SLC30A9: variants seen among roughly 807,000 people sequenced by gnomAD.
The protein encoded by SLC30A9 is proton-coupled zinc antiporter SLC30A9, mitochondrial.
In SLC30A9, 58 loss-of-function variants were observed where a neutral mutation model predicts 87.5. The observed-to-expected ratio is 0.66, with a 90% CI of 0.54 to 0.82. SLC30A9 has a LOEUF of 0.82. Ranked by LOEUF, SLC30A9 falls within the 40% of genes least tolerant of loss-of-function variation. The pLI is 0.00. For missense variants in SLC30A9, 557 were observed against 679.1 expected, an observed-to-expected ratio of 0.82 and a Z score of 2.00; for synonymous variants, 234 against 233.0, an observed-to-expected ratio of 1.00 and a Z score of -0.04.
Position 42,035,315 on chromosome 4 carries a change from T to A in SLC30A9, c.651T>A (p.Asp217Glu). Residue 217 changes from aspartate (D) to glutamate (E), a missense_variant, in exon 7 of 18, where the codon GAT becomes GAA. Physicochemically the swap from Asp to Glu is conservative, Grantham distance 45. Coordinates refer to ENST00000264451, the MANE Select transcript of SLC30A9 (RefSeq NM_006345.4). ...RNQKILREYRDFLGNTKPRSR... is the reference protein window; with the variant it reads ...RNQKILREYREFLGNTKPRSR... ...AAAAAATATTAAGAGAATACAGAGATTTCTTGGGAAATACCAAGGTATGGA... is the reference window on the plus strand; with the variant it reads ...AAAAAATATTAAGAGAATACAGAGAATTCTTGGGAAATACCAAGGTATGGA... 6.2e-7 allele frequency: 1 copy of A among 1,602,600 alleles called. No homozygotes were observed. The highest frequency in any genetic ancestry group is 8.5e-7 in the Non-Finnish European group (1 of 1,172,058).
Position 42,090,158 on chromosome 4 carries a change from T to G in SLC30A9, c.*4032T>G, listed in dbSNP as rs1719046627. On this transcript the variant is annotated 3_prime_UTR_variant, in exon 18 of 18. Coordinates refer to ENST00000264451, the MANE Select transcript of SLC30A9 (RefSeq NM_006345.4). Reference sequence around the variant, plus strand: ...TGTGATGAACCCCAATTTGCCAAACTGTCAGAAGTCAGTGAAGCAAAGAAT... The same window carrying G: ...TGTGATGAACCCCAATTTGCCAAACGGTCAGAAGTCAGTGAAGCAAAGAAT... The G allele has an allele frequency of 6.6e-6, 1 of 152,202 alleles. No homozygotes were observed. The highest frequency in any genetic ancestry group is 1.9e-4 in the East Asian group (1 of 5,204). The allele number at this position is 152,202 out of a possible 1,614,324, so 9.4% of individuals were successfully genotyped here. A position where few individuals can be genotyped will look rare whatever the true frequency, so the allele number is the denominator to read the frequency against.
intron 8 of SLC30A9, 83 bp from the exon 9 acceptor site, chr4:42,049,294 A>C: frequency 4.1e-6 from 3 of 724,990 alleles, no homozygotes; most frequent in Non-Finnish European, 4.8e-6. Flanking sequence ...AATCTAGTGT[A>C]GAGATATACA....
intron 11 of SLC30A9, among the ~76,000 whole-genome samples, chr4:42,064,665 ATTAG>A: frequency 6.6e-6 from 1 of 152,240 alleles, no homozygotes; most frequent in Admixed American, 6.5e-5. Context: ...AGATTAGGTA[ATTAG>A]TTAAATTTTC....
At chr4:42,030,766 A>G (rs1347248718) in intron 6 of SLC30A9, among the ~76,000 whole-genome samples, 2 of 152,148 alleles carry the variant, frequency 1.3e-5, no homozygotes, top group Non-Finnish European at 2.9e-5. Context: ...CTACAGAAAA[A>G]CACAAAAAGG....
chr4:42,003,739 G>GT (rs1715078025), intron 2 of SLC30A9, among the ~76,000 whole-genome samples: 3 of 146,500 alleles, frequency 2.0e-5, no homozygotes, highest in Non-Finnish European at 4.5e-5. Flanking sequence ...TCCTTGTCCT[G>GT]TTTTCTTAAA....
chr4:42,078,018 G>A (rs1718622585), intron 16 of SLC30A9, among the ~76,000 whole-genome samples, 194 bp from the exon 17 acceptor site: 1 of 151,826 alleles, frequency 6.6e-6, no homozygotes, highest in South Asian at 2.1e-4. Flanking sequence ...TGCTACCTCT[G>A]TGTAGTATTA....
intron 17 of SLC30A9, among the ~76,000 whole-genome samples, chr4:42,083,904 G>C (rs975230434): frequency 6.6e-6 from 1 of 152,108 alleles, no homozygotes; most frequent in Non-Finnish European, 1.5e-5. Flanking sequence ...GGATCTAAGA[G>C]GAAAGTACCC....
At chr4:42,067,386 C>T (rs1297407727) in intron 14 of SLC30A9, among the ~76,000 whole-genome samples, 194 bp downstream of exon 14, 1 of 152,114 alleles carries the variant, frequency 6.6e-6, no homozygotes, top group Non-Finnish European at 1.5e-5. Flanking sequence ...AAAAATGTCT[C>T]TAAATTAGAA....
chr4:42,032,156 A>G (rs1206754338), intron 6 of SLC30A9, among the ~76,000 whole-genome samples: 4 of 152,166 alleles, frequency 2.6e-5, no homozygotes, highest in African/African-American at 9.7e-5. Context: ...TGAGGACAGT[A>G]CCAAGAGGGA....
At chr4:42,085,994 T>A in intron 17 of SLC30A9, 88 bp from the exon 18 acceptor site, 1 of 259,184 alleles carries the variant, frequency 3.9e-6, no homozygotes, top group Non-Finnish European at 6.9e-6. Flanking sequence ...TTTGCAAATG[T>A]TTTCATTGGC....
chr4:42,010,959 T>C (rs977481913), intron 2 of SLC30A9, among the ~76,000 whole-genome samples: 2 of 152,122 alleles, frequency 1.3e-5, no homozygotes, highest in Non-Finnish European at 2.9e-5. Flanking sequence ...TCAGACTCAC[T>C]ATTTGAACTT....
intron 14 of SLC30A9, among the ~76,000 whole-genome samples, chr4:42,069,902 A>G (rs1427608176): frequency 6.6e-6 from 1 of 152,172 alleles, no homozygotes; most frequent in African/African-American, 2.4e-5. Context: ...AGGTCTGAGA[A>G]TTTGCTTTTC....
At chr4:42,082,803 G>A (rs1718789623) in intron 17 of SLC30A9, among the ~76,000 whole-genome samples, 1 of 150,470 alleles carries the variant, frequency 6.6e-6, no homozygotes, top group Admixed American at 6.6e-5. Context: ...AGCCGAGATT[G>A]TGCCACTGCA....
At position 42,035,775 on chromosome 4, in the gene SLC30A9, C is replaced by CGTGAGCCACT. The variant is rs33994888; in HGVS notation, c.669+445_669+446insAGCCACTGTG. On this transcript the variant is annotated intron_variant, in intron 7 of 17. Coordinates refer to ENST00000264451, the MANE Select transcript of SLC30A9 (RefSeq NM_006345.4). ...CCTCCCAAAGTGTTGGGATTACAAG[C>CGTGAGCCACT]GTGCCCGGCCTGATTTTCTTGAAAT... Among the ~76,000 whole-genome samples, 10 of 26,844 alleles carry CGTGAGCCACT rather than the reference C, an allele frequency of 3.7e-4. No individual in the cohort carries two copies. The East Asian group carries it at 0.23, about 610-fold the overall frequency. 17.6% of individuals were successfully genotyped at this position (26,844 alleles called of 152,430 possible). A position where few individuals can be genotyped will look rare whatever the true frequency, so the allele number is the denominator to read the frequency against.
At chr4:42,016,932 A>G (rs1163379898) in intron 2 of SLC30A9, among the ~76,000 whole-genome samples, 1 of 152,180 alleles carries the variant, frequency 6.6e-6, no homozygotes, top group Non-Finnish European at 1.5e-5. Context: ...CCCTCGTGCA[A>G]GAGTTTCTTG....
intron 8 of SLC30A9, 113 bp from the exon 9 acceptor site, chr4:42,049,264 C>A: frequency 1.7e-6 from 1 of 581,362 alleles, no homozygotes; most frequent in South Asian, 2.6e-5. Context: ...TTGTGCTTAG[C>A]CTAATTTTAC....
At chr4:42,063,317 G>GTTGA (rs1717941033) in intron 11 of SLC30A9, among the ~76,000 whole-genome samples, 196 bp downstream of exon 11, 1 of 152,140 alleles carries the variant, frequency 6.6e-6, no homozygotes, top group Non-Finnish European at 1.5e-5. Flanking sequence ...ATTCAATGAT[G>GTTGA]TTGAACAAGA....
rs114782507 is a variant in SLC30A9 at position 42,024,781 on chromosome 4, G to A, written c.610+1397G>A. Among the ~76,000 whole-genome samples the A allele has an allele frequency of 5.1e-4, 78 of 152,184 alleles. 1 individual carries two copies. The highest frequency in any genetic ancestry group is 1.6e-3 in the African/African-American group (65 of 41,520). ...TTTGATGGGCAACAGATGGTACCTCGTTTAATTTTGAATATCTCTGACTAC... is the reference window on the plus strand; with the variant it reads ...TTTGATGGGCAACAGATGGTACCTCATTTAATTTTGAATATCTCTGACTAC... On this transcript the variant is annotated intron_variant, in intron 6 of 17. Transcript: ENST00000264451.
intron 14 of SLC30A9, 144 bp from the exon 15 acceptor site, chr4:42,070,382 G>A: frequency 1.7e-6 from 1 of 584,840 alleles, no homozygotes; most frequent in South Asian, 2.8e-5. Context: ...AAAACTATTA[G>A]GAGTTGTTAA....
Sources: gnomAD v4.1 joint callset for allele counts (sites outside exome capture counted in the v4.1 genomes callset) on GRCh38, gnomAD v4.1.1 for gene constraint, MANE v1.5 for transcripts, NCBI Gene and HGNC (gene_info 2026-07-23, HGNC 2026-07-21) for gene names.